Variants in CCDC148 observed in about 807,000 individuals in gnomAD.
The protein encoded by CCDC148 is coiled-coil domain containing 148, also known as coiled-coil domain-containing protein 148.
CCDC148 carries 89 observed loss-of-function variants against 85.7 expected under a neutral mutation model. The ratio of observed to expected loss-of-function variants is 1.04; its 90% CI spans 0.87 to 1.24. The LOEUF (loss-of-function observed/expected upper bound fraction) is 1.24, where lower values mean the gene tolerates loss of function less well. Ranked by LOEUF, CCDC148 falls within the 50% of genes most tolerant of loss-of-function variation. The pLI is 0.00. For synonymous variants in CCDC148, 230 were observed against 213.9 expected (o/e 1.08, Z -0.66); for missense variants, 692 against 671.7 (o/e 1.03, Z -0.33).
intron 2 of CCDC148, among the ~76,000 whole-genome samples, chr2:158,354,168 C>A (rs998983737): frequency 2.6e-5 from 4 of 151,728 alleles, no homozygotes; most frequent in African/African-American, 9.7e-5. Flanking sequence ...ATTAAAAGAA[C>A]TAGAAAAGCA....
At chr2:158,301,978 G>C (rs1355187764) in intron 9 of CCDC148, among the ~76,000 whole-genome samples, 1 of 152,212 alleles carries the variant, frequency 6.6e-6, no homozygotes, top group Non-Finnish European at 1.5e-5. Context: ...GGCTTCTTTG[G>C]ATAGTCTTTT....
intron 2 of CCDC148, among the ~76,000 whole-genome samples, chr2:158,348,381 T>C (rs1213921784): frequency 2.0e-5 from 3 of 151,014 alleles, no homozygotes; most frequent in African/African-American, 7.3e-5. Flanking sequence ...AGACAAACAA[T>C]ACAATTTCTT....
chr2:158,424,395 G>T (rs1404955638), intron 1 of CCDC148, among the ~76,000 whole-genome samples: 1 of 152,044 alleles, frequency 6.6e-6, no homozygotes, highest in Non-Finnish European at 1.5e-5. Flanking sequence ...CCATAAAAAA[G>T]GATGAGTTCA....
At chr2:158,198,902 T>G (rs1206342377) in intron 11 of CCDC148, among the ~76,000 whole-genome samples, 1 of 152,140 alleles carries the variant, frequency 6.6e-6, no homozygotes, top group East Asian at 1.9e-4. Context: ...ATGAGGGAAA[T>G]CAAACAAACC....
intron 11 of CCDC148, among the ~76,000 whole-genome samples, chr2:158,217,336 G>GTGTATATATATATATATA (rs59724353): frequency 7.3e-6 from 1 of 137,712 alleles, no homozygotes; most frequent in Non-Finnish European, 1.5e-5. Flanking sequence ...ATAATTTTGT[G>GTGTATATATATATATATA]TATATATATA....
chr2:158,269,068 G>C (rs1177960558), intron 9 of CCDC148, among the ~76,000 whole-genome samples: 1 of 151,880 alleles, frequency 6.6e-6, no homozygotes, highest in Non-Finnish European at 1.5e-5. Flanking sequence ...ATTTTCTTTG[G>C]GTATATATTC....
At chr2:158,395,597 T>A (rs895054593) in intron 1 of CCDC148, among the ~76,000 whole-genome samples, 1 of 152,218 alleles carries the variant, frequency 6.6e-6, no homozygotes, top group East Asian at 1.9e-4. Context: ...TTGTTGAAAC[T>A]GAAAGTCATG....
chr2:158,437,103 G>A (rs188118474), intron 1 of CCDC148, among the ~76,000 whole-genome samples: 8 of 152,272 alleles, frequency 5.3e-5, no homozygotes, highest in African/African-American at 1.9e-4. Flanking sequence ...TAGAAAAAGA[G>A]GGAATCCTCC....
intron 9 of CCDC148, among the ~76,000 whole-genome samples, chr2:158,277,318 G>T (rs1689997141): frequency 1.3e-5 from 2 of 152,140 alleles, no homozygotes; most frequent in Admixed American, 1.3e-4. Flanking sequence ...TAAAGGATTT[G>T]GCCTACATTT....
At chr2:158,418,036 A>T (rs867080738) in intron 1 of CCDC148, among the ~76,000 whole-genome samples, 19 of 152,034 alleles carry the variant, frequency 1.2e-4, no homozygotes, top group Non-Finnish European at 2.4e-4. Context: ...TTATTTTTTT[A>T]AAAAATCAAA....
intron 2 of CCDC148, 94 bp downstream of exon 2, chr2:158,358,355 G>A: frequency 3.5e-6 from 5 of 1,425,070 alleles, no homozygotes; most frequent in Middle Eastern, 1.8e-4. Flanking sequence ...ACAACTATTT[G>A]GAATGTCATT....
intron 1 of CCDC148, among the ~76,000 whole-genome samples, chr2:158,389,230 CATAAT>C (rs1292649569): frequency 2.0e-5 from 3 of 152,262 alleles, no homozygotes; most frequent in Non-Finnish European, 2.9e-5. Context: ...GTTTGTATAA[CATAAT>C]ATATTTTTCA....
intron 1 of CCDC148, among the ~76,000 whole-genome samples, chr2:158,392,472 A>C (rs1413754354): frequency 2.0e-5 from 3 of 152,254 alleles, no homozygotes; most frequent in Non-Finnish European, 2.9e-5. Flanking sequence ...GATATTCAAA[A>C]AAATGTCCAC....
chr2:158,438,274 G>C (rs9752483), intron 1 of CCDC148, among the ~76,000 whole-genome samples: 165 of 152,086 alleles, frequency 1.1e-3, no homozygotes, highest in African/African-American at 3.7e-3. Flanking sequence ...TACCAAAACC[G>C]AGATATAGAC....
chr2:158,178,840 T>TA (rs1553475628), intron 12 of CCDC148, 39 bp downstream of exon 12: 66 of 1,420,790 alleles, frequency 4.6e-5, no homozygotes, highest in South Asian at 9.4e-5. Flanking sequence ...ACATTTTTTT[T>TA]AAAAAAACCA....
At chr2:158,319,180 C>G (rs913801499) in intron 7 of CCDC148, among the ~76,000 whole-genome samples, 2 of 152,148 alleles carry the variant, frequency 1.3e-5, no homozygotes, top group African/African-American at 4.8e-5. Context: ...GCAGACATTG[C>G]TCCCACCCCT....
rs191184987 is a variant in CCDC148, at chr2:158,345,097, G to A, written c.251+118C>T. ...TTTTAATTTGACTCACATTCAAATC[G>A]TAACTTTAAATTTTTATTATAATGG... On this transcript the variant is annotated intron_variant, in intron 3 of 13. Coordinates refer to ENST00000283233, the MANE Select transcript of CCDC148 (RefSeq NM_138803.4). 110 of 642,614 alleles carry A rather than the reference G, an allele frequency of 1.7e-4. 1 individual carries two copies. In the East Asian group the frequency reaches 2.0e-3, roughly 12 times the overall value. The allele number at this position is 642,614 out of a possible 1,614,324, so 39.8% of individuals were successfully genotyped here.
At chr2:158,453,701 G>A (rs1006897085) in intron 1 of CCDC148, among the ~76,000 whole-genome samples, 1 of 151,896 alleles carries the variant, frequency 6.6e-6, no homozygotes, top group Admixed American at 6.6e-5. Context: ...TAATCTTTAG[G>A]GGATAATATG....
intron 7 of CCDC148, among the ~76,000 whole-genome samples, chr2:158,332,085 C>T (rs891416714): frequency 1.3e-5 from 2 of 152,088 alleles, no homozygotes; most frequent in African/African-American, 2.4e-5. Context: ...TTAGTTGATG[C>T]AGTTTCTTCC....
Sources: gnomAD v4.1 joint callset for allele counts (sites outside exome capture counted in the v4.1 genomes callset) on GRCh38, gnomAD v4.1.1 for gene constraint, MANE v1.5 for transcripts, NCBI Gene and HGNC (gene_info 2026-07-23, HGNC 2026-07-21) for gene names.